The following CTNNBL1 variants were observed in gnomAD, a reference collection of about 807,000 sequenced individuals.
CTNNBL1 encodes the protein catenin beta like 1.
A neutral mutation model predicts 72.7 loss-of-function variants in CTNNBL1; 31 were observed. That is an observed-to-expected ratio of 0.43 (90% CI 0.32 to 0.58). The LOEUF (loss-of-function observed/expected upper bound fraction) is 0.58. Ranked by LOEUF, CTNNBL1 falls within the 20% of genes least tolerant of loss-of-function variation. CTNNBL1 has a pLI of 0.08. For synonymous variants in CTNNBL1, 240 were observed against 267.3 expected (o/e 0.90, Z 1.00); for missense variants, 534 against 725.1 (o/e 0.74, Z 3.03).
chr20:37,777,527 T>A, intron 8 of CTNNBL1, 110 bp downstream of exon 8: 1 of 1,379,298 alleles, frequency 7.3e-7, no homozygotes, highest in Non-Finnish European at 1.0e-6. Context: ...TCCCTCTCAC[T>A]CCCTGTGCTG....
chr20:37,835,205 T>C (rs1188187225), intron 11 of CTNNBL1, among the ~76,000 whole-genome samples: 1 of 152,210 alleles, frequency 6.6e-6, no homozygotes, highest in African/African-American at 2.4e-5. Flanking sequence ...AAAACATTAT[T>C]CCTTTGGGCT....
chr20:37,697,472 A>G (rs1036381751), intron 1 of CTNNBL1, among the ~76,000 whole-genome samples: 4 of 152,208 alleles, frequency 2.6e-5, no homozygotes, highest in Admixed American at 6.5e-5. Flanking sequence ...AGGGGACCAG[A>G]AAGAGGATCT....
At chr20:37,822,742 C>A (rs573955222) in intron 11 of CTNNBL1, among the ~76,000 whole-genome samples, 1 of 152,188 alleles carries the variant, frequency 6.6e-6, no homozygotes, top group Admixed American at 6.5e-5. Context: ...AGGCTCATAA[C>A]CTCTCTGGGC....
chr20:37,777,062 A>G (rs2122687389), intron 7 of CTNNBL1, among the ~76,000 whole-genome samples: 1 of 152,310 alleles, frequency 6.6e-6, no homozygotes, highest in African/African-American at 2.4e-5. Context: ...TGGGCTAGAC[A>G]TATATAATCT....
chr20:37,757,721 G>A (rs572533828), intron 5 of CTNNBL1, 65 bp downstream of exon 5: 15 of 1,191,324 alleles, frequency 1.3e-5, no homozygotes, highest in East Asian at 7.1e-5. Context: ...CACCACCATC[G>A]TCTCGGAGAG....
chr20:37,733,584 T>C (rs1425675268), intron 2 of CTNNBL1, among the ~76,000 whole-genome samples: 1 of 152,184 alleles, frequency 6.6e-6, no homozygotes, highest in Non-Finnish European at 1.5e-5. Context: ...CATTCCTGCC[T>C]CTGGACCTTT....
Position 37,694,129 on chromosome 20 carries a change from G to A in CTNNBL1, c.7G>A (p.Val3Met). 5.0e-6 allele frequency: 8 copies of A among 1,602,716 alleles called. No individual in the cohort carries two copies. Among genetic ancestry groups the A allele is most frequent in the Admixed American group, 1.7e-5 (1 of 58,768 alleles). The change falls in exon 1 of 16, where the codon GTG becomes ATG. Residue 3 changes from valine to methionine, a missense_variant. Physicochemically the swap from Val to Met is conservative, Grantham distance 21. Transcript: ENST00000361383. MDVGELLSYQPNR... is the reference protein window; with the variant it reads MDMGELLSYQPNR... The stretch of plus-strand genomic sequence containing the variant: ...ATTTGCTGGGCCGGGTACCATGGAC[G>A]TGGGCGAACTTCTGAGCTACCAGGT...
intron 10 of CTNNBL1, among the ~76,000 whole-genome samples, chr20:37,800,580 A>T (rs2073815869): frequency 6.6e-6 from 1 of 152,010 alleles, no homozygotes; most frequent in South Asian, 2.1e-4. Context: ...TTATTTTGTT[A>T]CCTAGTTTTT....
Position 37,719,426 on chromosome 20 carries a change from G to A in CTNNBL1, c.31-13453G>A, listed in dbSNP as rs927778156. On this transcript the variant is annotated intron_variant, in intron 1 of 15. Transcript: ENST00000361383. ...TGCCCACTCAGCCACAGCGCTAACC[G>A]GAAGGCTCAATAATCCTCCATTGAC... Among the ~76,000 whole-genome samples, 8 of 152,252 alleles carry A rather than the reference G, an allele frequency of 5.3e-5. No individual in the cohort carries two copies. The East Asian group carries it at 5.8e-4, about 11-fold the overall frequency.
intron 1 of CTNNBL1, among the ~76,000 whole-genome samples, chr20:37,700,475 A>G (rs552608137): frequency 6.6e-6 from 1 of 152,244 alleles, no homozygotes; most frequent in Non-Finnish European, 1.5e-5. Flanking sequence ...TAAGCGCCTC[A>G]GTATATGCCG....
intron 10 of CTNNBL1, among the ~76,000 whole-genome samples, chr20:37,790,065 A>C (rs945760991): frequency 1.3e-5 from 2 of 152,208 alleles, no homozygotes; most frequent in Non-Finnish European, 2.9e-5. Flanking sequence ...TGTTGTTCTA[A>C]GGTTTTCAAT....
Position 37,802,904 on chromosome 20 carries a change from C to A in CTNNBL1, c.1069C>A (p.Leu357Met). 6.2e-7 allele frequency: 1 copy of A among 1,613,888 alleles called. No homozygotes were observed. Among genetic ancestry groups the A allele is most frequent in the Admixed American group, 1.7e-5 (1 of 60,010 alleles). The stretch of plus-strand genomic sequence containing the variant: ...CTCCCGGAGCAGTGCCCTGAAAGTG[C>A]TGGACCATGCCATGATTGGCCCCGA... ...KISRSSALKV[L>M]DHAMIGPEGT... is the part of the protein sequence containing the mutation. The change falls in exon 11 of 16, where the codon CTG (leucine) becomes ATG (methionine). Residue 357 changes from leucine (L) to methionine (M), a missense_variant. Physicochemically the swap from Leu to Met is conservative, Grantham distance 15. Transcript: ENST00000361383.
intron 10 of CTNNBL1, among the ~76,000 whole-genome samples, chr20:37,786,544 G>A (rs1353614898): frequency 6.6e-6 from 1 of 152,042 alleles, no homozygotes; most frequent in African/African-American, 2.4e-5. Flanking sequence ...GCATATGTAT[G>A]TGTGTACATA....
Position 37,746,604 on chromosome 20 carries a change from A to G in CTNNBL1, c.463A>G (p.Thr155Ala), listed in dbSNP as rs745892088. 7 of 1,614,062 alleles carry G rather than the reference A, an allele frequency of 4.3e-6. No homozygotes were observed. The highest frequency in any genetic ancestry group is 1.7e-4 in the Middle Eastern group (1 of 6,058). ...SLLGLLGHDN[T>A]DVSIAVVDLL... is the part of the protein sequence containing the mutation. The stretch of plus-strand genomic sequence containing the variant: ...TCTCGGCTTGCTCGGACACGATAAT[A>G]CAGATATCCTTTCAGATCTGACCTC... Residue 155 changes from threonine to alanine, a missense_variant, in exon 4 of 16, where the codon ACA (threonine) becomes GCA (alanine). Coordinates refer to ENST00000361383, the MANE Select transcript of CTNNBL1 (RefSeq NM_030877.5).
intron 8 of CTNNBL1, 30 bp downstream of exon 8, chr20:37,777,447 G>A: frequency 3.1e-6 from 5 of 1,603,512 alleles, no homozygotes; most frequent in Non-Finnish European, 4.3e-6. Context: ...TTGATATTCT[G>A]TTAGGATAGG....
chr20:37,795,725 C>T lies in CTNNBL1; in HGVS notation c.1032-7142C>T, dbSNP rs61143392. ...GCTTTTCTCGACTTTCTTCATTTTACGTATCAATTGTAGTTATAATTATGC... is the reference window on the plus strand; with the variant it reads ...GCTTTTCTCGACTTTCTTCATTTTATGTATCAATTGTAGTTATAATTATGC... On this transcript the variant is annotated intron_variant, in intron 10 of 15. Transcript: ENST00000361383. 5.5e-3 allele frequency among the ~76,000 whole-genome samples: 834 copies of T among 152,108 alleles called. 9 individuals carry two copies. Among genetic ancestry groups the T allele is most frequent in the African/African-American group, 0.019 (786 of 41,530 alleles).
At chr20:37,803,883 G>A (rs991128799) in intron 11 of CTNNBL1, among the ~76,000 whole-genome samples, 1 of 151,942 alleles carries the variant, frequency 6.6e-6, no homozygotes, top group East Asian at 1.9e-4. Context: ...TCAGTGCTTG[G>A]TGGAATTGGC....
chr20:37,845,229 T>C (rs891449361), intron 13 of CTNNBL1, among the ~76,000 whole-genome samples: 6 of 152,192 alleles, frequency 3.9e-5, no homozygotes, highest in East Asian at 1.9e-4. Flanking sequence ...GCTTAGACTT[T>C]TTTTGAGGGA....
intron 1 of CTNNBL1, among the ~76,000 whole-genome samples, chr20:37,722,067 T>C (rs2073044792): frequency 6.6e-6 from 1 of 152,230 alleles, no homozygotes; most frequent in South Asian, 2.1e-4. Context: ...GGTTTTTATG[T>C]ACATTTCCCT....
Sources: allele counts gnomAD v4.1 joint callset (sites outside exome capture counted in the v4.1 genomes callset), GRCh38; gene constraint gnomAD v4.1.1; transcripts MANE v1.5; gene names NCBI Gene and HGNC (gene_info 2026-07-23, HGNC 2026-07-21).